AKT3: variants seen among roughly 807,000 people sequenced by gnomAD.
AKT3 encodes AKT serine/threonine kinase 3.
A neutral mutation model predicts 65.3 loss-of-function variants in AKT3; 15 were observed. That is an observed-to-expected ratio of 0.23 (90% confidence interval 0.15 to 0.35). The LOEUF is 0.35. Ranked by LOEUF, AKT3 falls within the 10% of genes least tolerant of loss-of-function variation. The pLI is 1.00. For missense variants in AKT3, 243 were observed against 576.5 expected, an observed-to-expected ratio of 0.42 and a Z score of 5.92; for synonymous variants, 206 against 183.8, an observed-to-expected ratio of 1.12 and a Z score of -0.98.
chr1:243,595,514 G>A (rs1356068096), intron 8 of AKT3, among the ~76,000 whole-genome samples: 4 of 151,860 alleles, frequency 2.6e-5, no homozygotes, highest in Admixed American at 6.6e-5. Flanking sequence ...TTTTAAAAAC[G>A]CCTTGACTCT....
At chr1:243,712,270 G>A (rs575772722) in intron 2 of AKT3, among the ~76,000 whole-genome samples, 31 of 152,240 alleles carry the variant, frequency 2.0e-4, no homozygotes, top group African/African-American at 7.2e-4. Context: ...CAGCAAACAC[G>A]GATTAGAGTC....
At chr1:243,696,265 T>C (rs1572186512) in intron 2 of AKT3, among the ~76,000 whole-genome samples, 1 of 152,040 alleles carries the variant, frequency 6.6e-6, no homozygotes, top group East Asian at 1.9e-4. Flanking sequence ...AATGCTGTAC[T>C]TAAGAAAACG....
At chr1:243,582,447 C>CAAAAAAAAAAAAAAAAAAAAAA (rs59718769) in intron 8 of AKT3, among the ~76,000 whole-genome samples, 1 of 101,524 alleles carries the variant, frequency 9.8e-6, no homozygotes. Context: ...TTAGCTTTCT[C>CAAAAAAAAAAAAAAAAAAAAAA]AAAAAAAAAA....
intron 6 of AKT3, among the ~76,000 whole-genome samples, chr1:243,623,789 T>C (rs1161938065): frequency 3.9e-5 from 6 of 152,220 alleles, no homozygotes; most frequent in African/African-American, 1.4e-4. Flanking sequence ...CTTGGGAATT[T>C]TCAACCTCCA....
intron 6 of AKT3, among the ~76,000 whole-genome samples, chr1:243,629,334 G>A (rs568362324): frequency 2.4e-4 from 37 of 152,236 alleles, no homozygotes; most frequent in African/African-American, 6.7e-4. Context: ...ATGAGGCATG[G>A]CTCTATGAGA....
chr1:243,685,676 T>C (rs1178069106), intron 3 of AKT3, among the ~76,000 whole-genome samples: 1 of 152,042 alleles, frequency 6.6e-6, no homozygotes, highest in Non-Finnish European at 1.5e-5. Context: ...TTTCTTGGCA[T>C]TCCCTTTGAA....
At chr1:243,699,202 A>C (rs1685258571) in intron 2 of AKT3, among the ~76,000 whole-genome samples, 1 of 152,016 alleles carries the variant, frequency 6.6e-6, no homozygotes, top group Non-Finnish European at 1.5e-5. Flanking sequence ...TTTGCATCTA[A>C]GTTTACACAT....
At chr1:243,602,027 C>T (rs1394843221) in intron 8 of AKT3, among the ~76,000 whole-genome samples, 1 of 152,188 alleles carries the variant, frequency 6.6e-6, no homozygotes, top group Non-Finnish European at 1.5e-5. Flanking sequence ...GGAAAGGAAT[C>T]ATGTAAATAC....
intron 2 of AKT3, among the ~76,000 whole-genome samples, chr1:243,808,699 A>G (rs376149493): frequency 2.0e-5 from 3 of 152,232 alleles, no homozygotes; most frequent in South Asian, 4.1e-4. Context: ...GATACTCCTC[A>G]AGAAGAGCAA....
At chr1:243,843,030 G>T in intron 2 of AKT3, 95 bp downstream of exon 2, 1 of 1,303,908 alleles carries the variant, frequency 7.7e-7, no homozygotes, top group Non-Finnish European at 1.1e-6. Context: ...GCATGACACA[G>T]TTTAACAGTA....
chr1:243,757,205 C>T (rs1307177263), intron 2 of AKT3, among the ~76,000 whole-genome samples: 1 of 152,172 alleles, frequency 6.6e-6, no homozygotes, highest in African/African-American at 2.4e-5. Context: ...TGATATATCA[C>T]TATTAATATC....
chr1:243,652,939 G>A (rs746041530), intron 4 of AKT3, among the ~76,000 whole-genome samples: 2 of 151,722 alleles, frequency 1.3e-5, no homozygotes, highest in Non-Finnish European at 2.9e-5. Flanking sequence ...TCCAACACAG[G>A]AGCACCCAGA....
At chr1:243,610,988 T>C (rs1193541801) in intron 8 of AKT3, among the ~76,000 whole-genome samples, 1 of 152,212 alleles carries the variant, frequency 6.6e-6, no homozygotes, top group Non-Finnish European at 1.5e-5. Context: ...ATGAGTATAC[T>C]TATCTATATA....
intron 5 of AKT3, among the ~76,000 whole-genome samples, chr1:243,644,775 A>G (rs1680680817): frequency 6.6e-6 from 1 of 152,208 alleles, no homozygotes; most frequent in Admixed American, 6.5e-5. Flanking sequence ...TTCATTTTAA[A>G]TGAAATAATT....
At chr1:243,555,147 G>A (rs570153390) in intron 10 of AKT3, among the ~76,000 whole-genome samples, 8 of 152,136 alleles carry the variant, frequency 5.3e-5, no homozygotes, top group African/African-American at 1.7e-4. Flanking sequence ...ACTGTTTGCC[G>A]TATTACTTTG....
chr1:243,838,833 A>C (rs1162694606), intron 2 of AKT3, among the ~76,000 whole-genome samples: 2 of 152,200 alleles, frequency 1.3e-5, no homozygotes, highest in Admixed American at 1.3e-4. Context: ...CTAAGGGAAA[A>C]AGTTATTTGA....
At chr1:243,848,821 C>T (rs966008837) in intron 1 of AKT3, among the ~76,000 whole-genome samples, 1 of 152,228 alleles carries the variant, frequency 6.6e-6, no homozygotes, top group Admixed American at 6.5e-5. Context: ...TGTTGACTTT[C>T]TATTTGGAAA....
chr1:243,773,225 TAA>T (rs1690312866), intron 2 of AKT3, among the ~76,000 whole-genome samples: 1 of 147,814 alleles, frequency 6.8e-6, no homozygotes, highest in African/African-American at 2.5e-5. Context: ...TATATATATA[TAA>T]AACAAAAAGA....
intron 4 of AKT3, among the ~76,000 whole-genome samples, chr1:243,648,256 TAA>T (rs751165191): frequency 1.3e-4 from 16 of 127,000 alleles, no homozygotes; most frequent in Admixed American, 1.7e-4. Flanking sequence ...AGACTCCGTC[TAA>T]AAAAAAAAAA....
Sources: allele counts gnomAD v4.1 joint callset (sites outside exome capture counted in the v4.1 genomes callset), GRCh38; gene constraint gnomAD v4.1.1; transcripts MANE v1.5; gene names NCBI Gene and HGNC (gene_info 2026-07-23, HGNC 2026-07-21).